The following IPO11 variants were observed in gnomAD, a reference collection of about 807,000 sequenced individuals.
IPO11 encodes the protein importin 11, also known as importin-11.
IPO11 carries 66 observed loss-of-function variants against 143.2 expected under a neutral mutation model. The observed-to-expected ratio is 0.46, with a 90% CI of 0.38 to 0.57. The LOEUF (loss-of-function observed/expected upper bound fraction) is 0.57, where lower values mean the gene tolerates loss of function less well. Ranked by LOEUF, IPO11 falls within the 20% of genes least tolerant of loss-of-function variation. The pLI, the probability that IPO11 is intolerant of heterozygous loss-of-function variation, is 0.00. For synonymous variants in IPO11, 385 were observed against 377.8 expected, an observed-to-expected ratio of 1.02 and a Z score of -0.22; for missense variants, 1,026 against 1,141.0, an observed-to-expected ratio of 0.90 and a Z score of 1.45.
At chr5:62,570,515 A>G (rs1744099680) in intron 27 of IPO11, among the ~76,000 whole-genome samples, 2 of 152,200 alleles carry the variant, frequency 1.3e-5, no homozygotes, top group African/African-American at 4.8e-5. Context: ...ATTGTTTTAA[A>G]GATGCTATTA....
chr5:62,450,993 A>G (rs1324332994), intron 4 of IPO11, among the ~76,000 whole-genome samples: 2 of 152,232 alleles, frequency 1.3e-5, no homozygotes, highest in African/African-American at 4.8e-5. Context: ...GAGCTGAAGC[A>G]TAATGGAGAA....
intron 24 of IPO11, among the ~76,000 whole-genome samples, chr5:62,547,799 T>A (rs528099952): frequency 6.6e-6 from 1 of 152,294 alleles, no homozygotes; most frequent in South Asian, 2.1e-4. Flanking sequence ...CAGCCACAGC[T>A]ATGTATTATT....
rs557707747 is a variant in IPO11, at chr5:62,556,354, A to C, written c.2461-4782A>C. On this transcript the variant is annotated intron_variant, in intron 26 of 29. Coordinates refer to ENST00000325324, the MANE Select transcript of IPO11 (RefSeq NM_016338.5). The stretch of plus-strand genomic sequence containing the variant: ...ATAAGTAAATAAATAAAAATAAATA[A>C]AATGGCTTAGCTTTGCGTATCATAT... 9.8e-5 allele frequency among the ~76,000 whole-genome samples: 15 copies of C among 152,316 alleles called. 2 individuals are homozygous for C. In the South Asian group the frequency reaches 3.1e-3, roughly 32 times the overall value.
chr5:62,413,656 C>T (rs1170680887), intron 1 of IPO11, among the ~76,000 whole-genome samples: 1 of 152,192 alleles, frequency 6.6e-6, no homozygotes, highest in Non-Finnish European at 1.5e-5. Context: ...TTGCAGTTGA[C>T]ATACCTCCTC....
chr5:62,490,233 TTTTATATTTA>T lies in IPO11; in HGVS notation c.1463+16_1463+25del, dbSNP rs780426769. 6.6e-6 allele frequency: 10 copies of T among 1,508,100 alleles called. No homozygotes were observed. The Admixed American group carries it at 1.9e-4, about 29-fold the overall frequency. The allele number at this position is 1,508,100 out of a possible 1,614,324, so 93.4% of individuals were successfully genotyped here. A position where few individuals can be genotyped will look rare whatever the true frequency, so the allele number is the denominator to read the frequency against. The stretch of plus-strand genomic sequence containing the variant: ...TCATTCACAATAGGCAAGTATAAAA[TTTTATATTTA>T]TTATACACTTACTTTACCTTATTTA... On this transcript the variant is annotated intron_variant, in intron 15 of 29. Coordinates refer to ENST00000325324, the MANE Select transcript of IPO11 (RefSeq NM_016338.5).
chr5:62,499,908 G>T (rs1395023945), intron 16 of IPO11, among the ~76,000 whole-genome samples: 1 of 152,068 alleles, frequency 6.6e-6, no homozygotes, highest in East Asian at 1.9e-4. Flanking sequence ...CAATATCATT[G>T]TCTTGCACCT....
intron 27 of IPO11, chr5:62,562,337 G>T (rs1441395176): frequency 6.6e-6 from 1 of 152,442 alleles, no homozygotes; most frequent in Non-Finnish European, 1.5e-5. Context: ...TAGGACAGCG[G>T]TCCCCAGCCT....
At chr5:62,454,346 A>G (rs900713782) in intron 5 of IPO11, among the ~76,000 whole-genome samples, 3 of 152,036 alleles carry the variant, frequency 2.0e-5, no homozygotes, top group African/African-American at 7.2e-5. Context: ...CTCACCTCAA[A>G]CCCTTCACTT....
chr5:62,511,721 C>A (rs988754275), intron 19 of IPO11, among the ~76,000 whole-genome samples: 2 of 151,754 alleles, frequency 1.3e-5, no homozygotes, highest in African/African-American at 2.4e-5. Flanking sequence ...CTATGAAGGT[C>A]TAGTGTTATT....
chr5:62,624,916 C>T (rs374122660), intron 29 of IPO11, among the ~76,000 whole-genome samples: 261 of 143,262 alleles, frequency 1.8e-3, no homozygotes, highest in African/African-American at 6.4e-3. Flanking sequence ...ACCCAGGAGG[C>T]GGAGCTTGCA....
intron 1 of IPO11, among the ~76,000 whole-genome samples, chr5:62,428,610 G>A (rs1381796659): frequency 6.6e-6 from 1 of 151,966 alleles, no homozygotes. Flanking sequence ...CCAAAGTGCT[G>A]GGATTACAAG....
At chr5:62,589,901 A>G (rs1168563167) in intron 27 of IPO11, among the ~76,000 whole-genome samples, 2 of 152,226 alleles carry the variant, frequency 1.3e-5, no homozygotes, top group Non-Finnish European at 2.9e-5. Flanking sequence ...TGGGAAGCCT[A>G]GAAACTGAGA....
chr5:62,519,411 T>C (rs984796304), intron 20 of IPO11, among the ~76,000 whole-genome samples: 1 of 152,150 alleles, frequency 6.6e-6, no homozygotes, highest in Non-Finnish European at 1.5e-5. Flanking sequence ...TCTCAGTCTT[T>C]CTCACTCTAA....
At chr5:62,573,607 A>G (rs150873785) in intron 27 of IPO11, among the ~76,000 whole-genome samples, 4 of 152,358 alleles carry the variant, frequency 2.6e-5, no homozygotes, top group East Asian at 1.9e-4. Context: ...GCGGGTCAAA[A>G]TAATGGAGAT....
chr5:62,520,609 T>G (rs962379805), intron 20 of IPO11, among the ~76,000 whole-genome samples: 1 of 152,168 alleles, frequency 6.6e-6, no homozygotes, highest in Non-Finnish European at 1.5e-5. Context: ...CACCTGTGAG[T>G]GAGAACGTGC....
chr5:62,418,904 G>A, intron 1 of IPO11: 1 of 1,301,294 alleles, frequency 7.7e-7, no homozygotes, highest in Non-Finnish European at 1.0e-6. Context: ...GTGTGAAACT[G>A]CTGGGTCATA....
chr5:62,428,862 T>C (rs1743861254), intron 1 of IPO11, among the ~76,000 whole-genome samples: 1 of 151,950 alleles, frequency 6.6e-6, no homozygotes, highest in Admixed American at 6.6e-5. Context: ...AGTTGAGGTC[T>C]CACTATGCTT....
chr5:62,440,349 CTTTTTTT>C (rs747340732), intron 2 of IPO11, among the ~76,000 whole-genome samples: 1 of 132,156 alleles, frequency 7.6e-6, no homozygotes, highest in Non-Finnish European at 1.6e-5. Context: ...TGTACGTCCC[CTTTTTTT>C]TTTTTTTTTT....
chr5:62,440,462 C>G (rs1223443700), intron 2 of IPO11, among the ~76,000 whole-genome samples: 1 of 150,156 alleles, frequency 6.7e-6, no homozygotes, highest in Non-Finnish European at 1.5e-5. Context: ...TCAAGCGATT[C>G]TCCTGCCTCC....
Sources: allele counts gnomAD v4.1 joint callset (sites outside exome capture counted in the v4.1 genomes callset), GRCh38; gene constraint gnomAD v4.1.1; transcripts MANE v1.5; gene names NCBI Gene and HGNC (gene_info 2026-07-23, HGNC 2026-07-21).